Variants in BIRC6 observed in about 807,000 individuals in gnomAD.
BIRC6 encodes the protein dual E2 ubiquitin-conjugating enzyme/E3 ubiquitin-protein ligase BIRC6.
BIRC6 carries 98 observed loss-of-function variants against 503.3 expected under a neutral mutation model. The ratio of observed to expected loss-of-function variants is 0.19; its 90% confidence interval spans 0.17 to 0.23. BIRC6 has a LOEUF of 0.23. Ranked by LOEUF, BIRC6 falls within the 10% of genes least tolerant of loss-of-function variation. The pLI, the probability that BIRC6 is intolerant of heterozygous loss-of-function variation, is 1.00. For missense variants in BIRC6, 5,360 were observed against 5,806.0 expected (o/e 0.92, Z 2.50); for synonymous variants, 2,240 against 2,078.7 (o/e 1.08, Z -2.11).
At position 32,618,097 on chromosome 2, in the gene BIRC6, T is replaced by G; in HGVS notation, c.*193T>G. On this transcript the variant is annotated 3_prime_UTR_variant, in exon 74 of 74. Coordinates refer to ENST00000421745, the MANE Select transcript of BIRC6 (RefSeq NM_016252.4). Reference sequence around the variant, plus strand: ...AGGAGTGTAAACTTTTTTGTGCTTTTATTTTTCAATTGTGAGAACCACTGA... The same window carrying G: ...AGGAGTGTAAACTTTTTTGTGCTTTGATTTTTCAATTGTGAGAACCACTGA... 1 of 474,388 alleles carries G rather than the reference T, an allele frequency of 2.1e-6. No homozygotes were observed. The highest frequency in any genetic ancestry group is 3.5e-6 in the Non-Finnish European group (1 of 283,738). The allele number at this position is 474,388 out of a possible 1,614,324, so 29.4% of individuals were successfully genotyped here. A position where few individuals can be genotyped will look rare whatever the true frequency, so the allele number is the denominator to read the frequency against.
chr2:32,478,298 A>G (rs2049998596), intron 35 of BIRC6, among the ~76,000 whole-genome samples: 1 of 152,156 alleles, frequency 6.6e-6, no homozygotes, highest in Non-Finnish European at 1.5e-5. Context: ...AAATCGCGCC[A>G]CTTCACACCA....
At chr2:32,557,342 T>G (rs2058853412) in intron 65 of BIRC6, 1 of 152,210 alleles carries the variant, frequency 6.6e-6, no homozygotes, top group Admixed American at 6.5e-5. Flanking sequence ...CTAAATGCAG[T>G]TTTATTTTAA....
intron 65 of BIRC6, 48 bp from the exon 66 acceptor site, chr2:32,575,108 T>A (rs373996404): frequency 1.3e-6 from 2 of 1,589,566 alleles, no homozygotes; most frequent in Non-Finnish European, 1.7e-6. Context: ...GACCTACTTT[T>A]ATATTGTACA....
chr2:32,604,952 G>T (rs2062341617), intron 71 of BIRC6, among the ~76,000 whole-genome samples: 1 of 144,258 alleles, frequency 6.9e-6, no homozygotes, highest in Non-Finnish European at 1.5e-5. Context: ...GCACAACCTT[G>T]GCTTACTACA....
intron 23 of BIRC6, among the ~76,000 whole-genome samples, chr2:32,462,868 A>C (rs372611749): frequency 2.6e-5 from 4 of 151,498 alleles, no homozygotes; most frequent in African/African-American, 7.3e-5. Context: ...AGGCACAAGA[A>C]TCTCTTGAAC....
intron 66 of BIRC6, among the ~76,000 whole-genome samples, chr2:32,580,622 C>T (rs2060609272): frequency 6.6e-6 from 1 of 152,128 alleles, no homozygotes; most frequent in South Asian, 2.1e-4. Context: ...CAGCAGCTCT[C>T]ATCAGGTTTG....
intron 55 of BIRC6, among the ~76,000 whole-genome samples, chr2:32,517,202 A>G (rs1201082676): frequency 2.6e-5 from 4 of 152,064 alleles, no homozygotes; most frequent in African/African-American, 9.7e-5. Context: ...TTAGCCGGGC[A>G]TGGTGATACG....
At chr2:32,471,261 T>C in intron 32 of BIRC6, 137 bp downstream of exon 32, 1 of 1,130,148 alleles carries the variant, frequency 8.8e-7, no homozygotes, top group Non-Finnish European at 1.2e-6. Flanking sequence ...TTAAGGAAAA[T>C]ACAAATGAAC....
chr2:32,570,126 A>C (rs1312090369), intron 65 of BIRC6, among the ~76,000 whole-genome samples: 1 of 151,998 alleles, frequency 6.6e-6, no homozygotes, highest in Non-Finnish European at 1.5e-5. Context: ...GATTTATATC[A>C]ATTTTATCAC....
At position 32,524,961 on chromosome 2, in the gene BIRC6, A is replaced by G. The variant is rs1435380273; in HGVS notation, c.11697A>G (p.Lys3899=). 6.4e-7 allele frequency: 1 copy of G among 1,557,014 alleles called. No individual in the cohort carries two copies. Among genetic ancestry groups the G allele is most frequent in the East Asian group, 2.4e-5 (1 of 42,390 alleles). The change falls in exon 58 of 74, where the codon AAA becomes AAG. Residue 3899 remains lysine, a synonymous_variant. Transcript: ENST00000421745. The stretch of plus-strand genomic sequence containing the variant: ...AAGAAAAGAAAAACCATGAAGAGAA[A>G]GAAAAAGTTAAAGCGGAAAATGGAT... The part of the protein sequence containing the change: ...DDKEKKNHEE[K]EKVKAENGFQ...
intron 6 of BIRC6, among the ~76,000 whole-genome samples, chr2:32,399,069 T>A (rs1352242230): frequency 6.6e-6 from 1 of 152,088 alleles, no homozygotes; most frequent in Non-Finnish European, 1.5e-5. Flanking sequence ...ACATTTATTT[T>A]TAAAATTTTA....
chr2:32,529,430 A>T, intron 59 of BIRC6: 1 of 406,420 alleles, frequency 2.5e-6, no homozygotes, highest in Non-Finnish European at 4.3e-6. Context: ...CGTTTTGCCC[A>T]TGACTTTTTA....
At position 32,471,060 on chromosome 2, in the gene BIRC6, C is replaced by T. The variant is rs1167877988; in HGVS notation, c.6528C>T (p.Ser2176=). The change falls in exon 32 of 74, where the codon TCC becomes TCT. Residue 2176 remains serine (S), a synonymous_variant. Transcript: ENST00000421745. ...PMISWVVMLV[S]RLLDYVATVE... ...TCAGTTGGGTTGTTATGCTGGTGTC[C>T]AGGTTGCTGGATTATGTGGCAACTG... 2 of 1,583,508 alleles carry T rather than the reference C, an allele frequency of 1.3e-6. No individual in the cohort carries two copies. The highest frequency in any genetic ancestry group is 8.6e-7 in the Non-Finnish European group (1 of 1,162,888).
intron 34 of BIRC6, 141 bp downstream of exon 34, chr2:32,476,485 G>GT (rs2049779363): frequency 2.7e-6 from 2 of 741,832 alleles, no homozygotes; most frequent in Admixed American, 3.8e-5. Flanking sequence ...TGGTGGGGTA[G>GT]TTTAACTGAA....
In BIRC6 at chr2:32,515,638, A is replaced by G. The variant is rs181099616; in HGVS notation, c.11217A>G (p.Arg3739=). The change falls in exon 55 of 74, where the codon AGA becomes AGG. Residue 3739 remains arginine, a synonymous_variant. Transcript: ENST00000421745. ...TAGGTGCACAACAGACCAGTGCAAG[A>G]TCAGCTTCTCTTTCTTCAGCTGCTA... The part of the protein sequence containing the change: ...HNLGAQQTSA[R]SASLSSAATT... 1.7e-5 allele frequency: 27 copies of G among 1,612,512 alleles called. No homozygotes were observed. The Admixed American group carries it at 3.5e-4, about 21-fold the overall frequency.
intron 30 of BIRC6, 62 bp downstream of exon 30, chr2:32,469,676 T>A: frequency 7.1e-7 from 1 of 1,400,450 alleles, no homozygotes; most frequent in East Asian, 2.3e-5. Context: ...CAGTTACTGG[T>A]TAGCTTTTGA....
intron 10 of BIRC6, 113 bp downstream of exon 10, chr2:32,416,276 T>C: frequency 1.8e-6 from 2 of 1,131,198 alleles, no homozygotes; most frequent in East Asian, 2.4e-5. Context: ...GGAATTAATT[T>C]TTTTGTAATG....
At chr2:32,382,304 T>C (rs2037783832) in intron 3 of BIRC6, among the ~76,000 whole-genome samples, 1 of 152,192 alleles carries the variant, frequency 6.6e-6, no homozygotes, top group Non-Finnish European at 1.5e-5. Flanking sequence ...ACTTGACTGA[T>C]GGTAGTACCT....
At position 32,414,770 on chromosome 2, in the gene BIRC6, G is replaced by A. The variant is rs754876167; in HGVS notation, c.1479G>A (p.Gly493=). The change falls in exon 10 of 74, where the codon GGG becomes GGA. Residue 493 remains glycine (G), a splice_region_variant and synonymous_variant. Coordinates refer to ENST00000421745, the MANE Select transcript of BIRC6 (RefSeq NM_016252.4). ...EEHSRSDSVT[G]HTSQKEAMEV... ...AATGAATATTGTTCCTTTTTAAAGG[G>A]CATACATCACAGAAGGAAGCCATGG... is the stretch of plus-strand genomic sequence containing the variant. 1 of 1,609,692 alleles carries A rather than the reference G, an allele frequency of 6.2e-7. No homozygotes were observed. Among genetic ancestry groups the A allele is most frequent in the East Asian group, 2.2e-5 (1 of 44,786 alleles).
Sources: gnomAD v4.1 joint callset for allele counts (sites outside exome capture counted in the v4.1 genomes callset) on GRCh38, gnomAD v4.1.1 for gene constraint, MANE v1.5 for transcripts, NCBI Gene and HGNC (gene_info 2026-07-23, HGNC 2026-07-21) for gene names.